The following LRRC4C variants were observed in gnomAD, a reference collection of about 807,000 sequenced individuals.
The protein encoded by LRRC4C is leucine-rich repeat-containing protein 4C.
Under a neutral mutation model 33.6 loss-of-function variants are expected in LRRC4C, and 5 were observed. The ratio of observed to expected loss-of-function variants is 0.15; its 90% CI spans 0.08 to 0.31. The LOEUF (loss-of-function observed/expected upper bound fraction) is 0.31. LRRC4C is among the 10% of genes least tolerant of loss of function. LRRC4C has a pLI of 1.00. For synonymous variants in LRRC4C, 329 were observed against 302.0 expected (o/e 1.09, Z -0.93); for missense variants, 560 against 796.7 (o/e 0.70, Z 3.58).
intron 4 of LRRC4C, among the ~76,000 whole-genome samples, chr11:40,304,792 C>CACTCACT (rs1488268057): frequency 3.3e-5 from 5 of 150,508 alleles, no homozygotes; most frequent in Non-Finnish European, 5.9e-5. Context: ...AGTGCAGTGG[C>CACTCACT]GCAATCTCGG....
At chr11:41,169,743 C>T (rs769872785) in intron 1 of LRRC4C, among the ~76,000 whole-genome samples, 1 of 152,090 alleles carries the variant, frequency 6.6e-6, no homozygotes, top group Admixed American at 6.6e-5. Context: ...CAGATAGCAA[C>T]TGAAAAGTAG....
intron 2 of LRRC4C, among the ~76,000 whole-genome samples, chr11:40,904,781 A>G (rs1681047662): frequency 6.6e-6 from 1 of 152,114 alleles, no homozygotes; most frequent in African/African-American, 2.4e-5. Flanking sequence ...TTCCCAAACT[A>G]AAGTCCTATG....
chr11:41,051,740 T>A (rs1222371300), intron 1 of LRRC4C, among the ~76,000 whole-genome samples: 1 of 152,072 alleles, frequency 6.6e-6, no homozygotes, highest in African/African-American at 2.4e-5. Flanking sequence ...CCTGGGCCTC[T>A]ATGTTAAATT....
rs534907542 is a variant in LRRC4C, at chr11:40,877,778, C to A, written c.-407+55857G>T. Among the ~76,000 whole-genome samples, 23 of 152,302 alleles carry A rather than the reference C, an allele frequency of 1.5e-4. No individual in the cohort carries two copies. The South Asian group carries it at 4.4e-3, about 29-fold the overall frequency. ...GTTCACATTAAAACAACAACAACAA[C>A]AACAAACTCCAAAGGCTTGTCTTTT... On this transcript the variant is annotated intron_variant, in intron 2 of 6. Transcript: ENST00000528697.
intron 1 of LRRC4C, among the ~76,000 whole-genome samples, chr11:41,438,433 A>G (rs1408282417): frequency 6.6e-6 from 1 of 152,202 alleles, no homozygotes; most frequent in Non-Finnish European, 1.5e-5. Flanking sequence ...GGAAGAAAAC[A>G]CTGAGATGGT....
intron 2 of LRRC4C, among the ~76,000 whole-genome samples, chr11:40,924,506 G>A (rs920602722): frequency 6.6e-6 from 1 of 152,036 alleles, no homozygotes; most frequent in African/African-American, 2.4e-5. Flanking sequence ...GGCAGGGAGG[G>A]GTGGGATAGA....
chr11:41,305,227 TG>T lies in LRRC4C; in HGVS notation c.-496+154203del, dbSNP rs1271452950. Among the ~76,000 whole-genome samples the T allele has an allele frequency of 9.7e-5, 3 of 30,838 alleles. 1 individual carries two copies. Among genetic ancestry groups the T allele is most frequent in the East Asian group, 2.3e-3 (2 of 858 alleles). The allele number at this position is 30,838 out of a possible 152,430, so 20.2% of individuals were successfully genotyped here. ...CCAGCCGCCCCGTCCGGGAGGGAGG[TG>T]GGGGGGTCAGCCCCCCGCCCGGCCA... On this transcript the variant is annotated intron_variant, in intron 1 of 6. Coordinates refer to ENST00000528697, the MANE Select transcript of LRRC4C (RefSeq NM_001258419.2).
At chr11:40,591,177 T>G (rs985725829) in intron 3 of LRRC4C, among the ~76,000 whole-genome samples, 3 of 152,160 alleles carry the variant, frequency 2.0e-5, no homozygotes, top group Non-Finnish European at 4.4e-5. Context: ...ATATAATCTC[T>G]TGGTGTGCCA....
intron 1 of LRRC4C, among the ~76,000 whole-genome samples, chr11:41,440,283 C>T (rs1031606887): frequency 6.6e-6 from 1 of 151,846 alleles, no homozygotes; most frequent in African/African-American, 2.4e-5. Context: ...TCTGTCCACT[C>T]TAGAGAGAAT....
At chr11:40,229,742 T>G (rs1324496617) in intron 5 of LRRC4C, among the ~76,000 whole-genome samples, 1 of 152,214 alleles carries the variant, frequency 6.6e-6, no homozygotes, top group East Asian at 1.9e-4. Flanking sequence ...AGATGCTCAC[T>G]GATTTATTTT....
intron 2 of LRRC4C, among the ~76,000 whole-genome samples, chr11:40,877,960 C>G: frequency 6.6e-6 from 1 of 152,156 alleles, no homozygotes; most frequent in East Asian, 1.9e-4. Context: ...TTGGTATTTT[C>G]TTTGAGATGT....
At chr11:40,358,265 G>T (rs191604286) in intron 3 of LRRC4C, among the ~76,000 whole-genome samples, 18 of 152,108 alleles carry the variant, frequency 1.2e-4, no homozygotes, top group Admixed American at 9.2e-4. Flanking sequence ...GTGAGGTAAA[G>T]CTTCCCTCCC....
intron 3 of LRRC4C, among the ~76,000 whole-genome samples, chr11:40,399,009 TC>T (rs1379134818): frequency 2.6e-5 from 4 of 152,118 alleles, no homozygotes; most frequent in Non-Finnish European, 5.9e-5. Context: ...AAGGTTTTGT[TC>T]TTTTTGAAAT....
intron 3 of LRRC4C, among the ~76,000 whole-genome samples, chr11:40,597,137 A>G (rs1334122130): frequency 1.3e-5 from 2 of 152,192 alleles, no homozygotes; most frequent in African/African-American, 2.4e-5. Flanking sequence ...CTACATTTAC[A>G]TAAGTTCTTC....
intron 2 of LRRC4C, among the ~76,000 whole-genome samples, chr11:40,864,513 C>T (rs1455688847): frequency 6.6e-5 from 10 of 152,146 alleles, no homozygotes; most frequent in South Asian, 4.1e-4. Context: ...GCACTTGACA[C>T]GTAAAATATG....
chr11:40,332,439 T>C (rs550224411), intron 3 of LRRC4C, among the ~76,000 whole-genome samples: 7 of 152,304 alleles, frequency 4.6e-5, no homozygotes, highest in African/African-American at 1.2e-4. Context: ...TAAATCCTGA[T>C]CTCATTTTAA....
At chr11:40,222,863 C>T (rs965605064) in intron 5 of LRRC4C, among the ~76,000 whole-genome samples, 4 of 151,812 alleles carry the variant, frequency 2.6e-5, no homozygotes, top group African/African-American at 4.8e-5. Flanking sequence ...AATACAGTTT[C>T]GATCGTCAGA....
chr11:41,316,279 A>AAC (rs1555145089), intron 1 of LRRC4C, among the ~76,000 whole-genome samples: 4 of 147,084 alleles, frequency 2.7e-5, no homozygotes, highest in East Asian at 2.0e-4. Flanking sequence ...AAAAAAAAAA[A>AAC]CAAAAAAAAA....
chr11:41,039,607 G>A (rs961130334), intron 1 of LRRC4C, among the ~76,000 whole-genome samples: 5 of 152,078 alleles, frequency 3.3e-5, no homozygotes, highest in Admixed American at 6.5e-5. Context: ...GGAGTTAGTC[G>A]TCACTGTTTA....
Sources: gnomAD v4.1 joint callset for allele counts (sites outside exome capture counted in the v4.1 genomes callset) on GRCh38, gnomAD v4.1.1 for gene constraint, MANE v1.5 for transcripts, NCBI Gene and HGNC (gene_info 2026-07-23, HGNC 2026-07-21) for gene names.